Variants in CNTN5 observed in about 807,000 individuals in gnomAD.
CNTN5 encodes contactin 5.
Under a neutral mutation model 129.1 loss-of-function variants are expected in CNTN5, and 77 were observed. The observed-to-expected ratio is 0.60, with a 90% CI of 0.50 to 0.72. CNTN5 has a LOEUF of 0.72. CNTN5 is among the 30% of genes least tolerant of loss of function. The pLI is 0.00. For synonymous variants in CNTN5, 509 were observed against 465.6 expected (o/e 1.09, Z -1.20); for missense variants, 1,478 against 1,328.8 (o/e 1.11, Z -1.75).
At chr11:99,731,751 A>G (rs1183422869) in intron 3 of CNTN5, among the ~76,000 whole-genome samples, 1 of 152,194 alleles carries the variant, frequency 6.6e-6, no homozygotes, top group Non-Finnish European at 1.5e-5. Flanking sequence ...CCCCCAGACT[A>G]GAGTAGATGC....
chr11:99,537,962 G>C (rs207472251), intron 2 of CNTN5, among the ~76,000 whole-genome samples: 1 of 152,166 alleles, frequency 6.6e-6, no homozygotes, highest in Admixed American at 6.6e-5. Flanking sequence ...CATTGAAAAT[G>C]TGAAGTGTGG....
At chr11:100,202,054 A>G (rs1948792433) in intron 15 of CNTN5, among the ~76,000 whole-genome samples, 1 of 152,036 alleles carries the variant, frequency 6.6e-6, no homozygotes, top group Non-Finnish European at 1.5e-5. Flanking sequence ...TATTTCATTT[A>G]CTTCCCTCAA....
At position 100,082,208 on chromosome 11, in the gene CNTN5, C is replaced by T. The variant is rs544363934; in HGVS notation, c.1580+7914C>T. Among the ~76,000 whole-genome samples the T allele has an allele frequency of 1.4e-4, 22 of 152,108 alleles. No individual in the cohort carries two copies. In the East Asian group the frequency reaches 2.9e-3, roughly 20 times the overall value. On this transcript the variant is annotated intron_variant, in intron 13 of 24. Coordinates refer to ENST00000524871, the MANE Select transcript of CNTN5 (RefSeq NM_014361.4). ...AAAGCATTCTAAATCATGGTGGCAACGCAAGTAAATATAGTCATAGTCCAT... is the reference window on the plus strand; with the variant it reads ...AAAGCATTCTAAATCATGGTGGCAATGCAAGTAAATATAGTCATAGTCCAT...
intron 6 of CNTN5, among the ~76,000 whole-genome samples, chr11:99,912,233 T>C (rs1463589511): frequency 2.6e-5 from 4 of 151,908 alleles, no homozygotes; most frequent in Non-Finnish European, 5.9e-5. Context: ...AGTCTGTGTG[T>C]ATGTGTGTTC....
chr11:99,809,165 G>T (rs913485637), intron 3 of CNTN5, among the ~76,000 whole-genome samples: 2 of 152,084 alleles, frequency 1.3e-5, no homozygotes, highest in African/African-American at 4.8e-5. Flanking sequence ...AATGATGTCA[G>T]ACCCTCTTAA....
At chr11:99,885,289 AAAAAAG>A (rs2135877558) in intron 6 of CNTN5, among the ~76,000 whole-genome samples, 1 of 152,268 alleles carries the variant, frequency 6.6e-6, no homozygotes, top group African/African-American at 2.4e-5. Context: ...CTCAAAATAA[AAAAAAG>A]AAAAAGAAAG....
chr11:99,654,892 C>A (rs2135893924), intron 3 of CNTN5, among the ~76,000 whole-genome samples: 1 of 91,394 alleles, frequency 1.1e-5, no homozygotes, highest in African/African-American at 3.1e-5. Context: ...TAGGTTGCAG[C>A]AGAAAAAAAG....
At position 99,888,284 on chromosome 11, in the gene CNTN5, C is replaced by T. The variant is rs537243978; in HGVS notation, c.578-27770C>T. Among the ~76,000 whole-genome samples the T allele has an allele frequency of 2.9e-4, 44 of 152,214 alleles. 1 individual carries two copies. Among genetic ancestry groups the T allele is most frequent in the Admixed American group, 7.2e-4 (11 of 15,290 alleles). On this transcript the variant is annotated intron_variant, in intron 6 of 24. Coordinates refer to ENST00000524871, the MANE Select transcript of CNTN5 (RefSeq NM_014361.4). Reference sequence around the variant, plus strand: ...GCCACAGTGCAAGCAAGTTGCAACCCACCTCACTTTTACAAAATTCAAATG... The same window carrying T: ...GCCACAGTGCAAGCAAGTTGCAACCTACCTCACTTTTACAAAATTCAAATG...
At chr11:99,852,778 A>T (rs1301988692) in intron 6 of CNTN5, among the ~76,000 whole-genome samples, 5 of 152,200 alleles carry the variant, frequency 3.3e-5, no homozygotes, top group African/African-American at 1.2e-4. Context: ...TTCAAGTTGT[A>T]AAGTAACAAG....
intron 18 of CNTN5, 138 bp from the exon 19 acceptor site, chr11:100,297,487 T>A (rs999916551): frequency 1.5e-6 from 1 of 684,486 alleles, no homozygotes; most frequent in Non-Finnish European, 2.6e-6. Context: ...AAGCAGGGTG[T>A]TTCTGTCACC....
intron 1 of CNTN5, among the ~76,000 whole-genome samples, chr11:99,154,017 G>A (rs780933253): frequency 3.3e-5 from 5 of 152,058 alleles, no homozygotes; most frequent in Non-Finnish European, 5.9e-5. Context: ...GGAATCTGTT[G>A]CATTGGAGGG....
At chr11:99,143,151 A>G (rs1269497564) in intron 1 of CNTN5, among the ~76,000 whole-genome samples, 1 of 152,056 alleles carries the variant, frequency 6.6e-6, no homozygotes, top group Non-Finnish European at 1.5e-5. Context: ...ATCCGATGAC[A>G]TTAAGGCAGA....
chr11:99,180,777 G>A (rs1039848290), intron 1 of CNTN5, among the ~76,000 whole-genome samples: 2 of 152,284 alleles, frequency 1.3e-5, no homozygotes, highest in Admixed American at 1.3e-4. Context: ...TACGGGGTAA[G>A]CACAGGAGAA....
intron 3 of CNTN5, among the ~76,000 whole-genome samples, chr11:99,644,978 A>T (rs10893648): frequency 0.6 from 90,900 of 151,352 alleles, 28,132 homozygotes; most frequent in Admixed American, 0.69. Flanking sequence ...GAAAAAAAAA[A>T]TTTTGAGGTC....
intron 1 of CNTN5, among the ~76,000 whole-genome samples, chr11:99,077,557 A>G (rs1335079021): frequency 2.0e-5 from 3 of 152,310 alleles, no homozygotes; most frequent in Non-Finnish European, 2.9e-5. Flanking sequence ...AATTTTACTC[A>G]TACAAAATCA....
In CNTN5 at chr11:100,101,567, A is replaced by G. The variant is rs868081970; in HGVS notation, c.1580+27273A>G. Among the ~76,000 whole-genome samples, 55 of 152,058 alleles carry G rather than the reference A, an allele frequency of 3.6e-4. 1 individual carries two copies. In the Middle Eastern group the frequency reaches 0.024, roughly 66 times the overall value. On this transcript the variant is annotated intron_variant, in intron 13 of 24. Transcript: ENST00000524871. ...TACTCTAAACTCCTAAGAAATTCCAATGTATTCTTTTTTTAATTTTTTAAT... is the reference window on the plus strand; with the variant it reads ...TACTCTAAACTCCTAAGAAATTCCAGTGTATTCTTTTTTTAATTTTTTAAT...
chr11:99,312,517 A>G (rs542119447), intron 1 of CNTN5, among the ~76,000 whole-genome samples: 2 of 152,286 alleles, frequency 1.3e-5, no homozygotes, highest in Admixed American at 6.5e-5. Flanking sequence ...TTTCTGCTAT[A>G]ATATCCTTCC....
chr11:99,163,977 A>G (rs1020427348), intron 1 of CNTN5, among the ~76,000 whole-genome samples: 2 of 152,224 alleles, frequency 1.3e-5, no homozygotes, highest in East Asian at 1.9e-4. Context: ...ATGACTTTAA[A>G]AAGCTCAGCT....
intron 6 of CNTN5, among the ~76,000 whole-genome samples, chr11:99,904,487 C>T (rs1397500900): frequency 6.7e-6 from 1 of 148,720 alleles, no homozygotes; most frequent in African/African-American, 2.4e-5. Context: ...TTTTTTACGG[C>T]TGCATAGTAT....
Sources: gnomAD v4.1 joint callset for allele counts (sites outside exome capture counted in the v4.1 genomes callset) on GRCh38, gnomAD v4.1.1 for gene constraint, MANE v1.5 for transcripts, NCBI Gene and HGNC (gene_info 2026-07-23, HGNC 2026-07-21) for gene names.